PSD3: variants seen among roughly 807,000 people sequenced by gnomAD.
PSD3 encodes the protein PH and SEC7 domain-containing protein 3.
A neutral mutation model predicts 105.5 loss-of-function variants in PSD3; 49 were observed. The ratio of observed to expected loss-of-function variants is 0.46; its 90% CI spans 0.37 to 0.59. The LOEUF (loss-of-function observed/expected upper bound fraction) is 0.59, where lower values mean the gene tolerates loss of function less well. PSD3 is among the 20% of genes least tolerant of loss of function. PSD3 has a pLI of 0.00. For missense variants in PSD3, 1,561 were observed against 1,263.8 expected (o/e 1.24, Z -3.57); for synonymous variants, 557 against 457.8 (o/e 1.22, Z -2.77).
chr8:18,867,615 C>T, intron 4 of PSD3, 59 bp downstream of exon 4: 1 of 1,518,750 alleles, frequency 6.6e-7, no homozygotes, highest in Non-Finnish European at 8.9e-7. Context: ...CTCAGATTTC[C>T]CAGAAAAGAA....
At chr8:18,900,295 T>C (rs1275720784) in intron 2 of PSD3, among the ~76,000 whole-genome samples, 1 of 152,200 alleles carries the variant, frequency 6.6e-6, no homozygotes, top group Non-Finnish European at 1.5e-5. Context: ...TTCTTATAGG[T>C]ATCCTGCATC....
intron 9 of PSD3, among the ~76,000 whole-genome samples, chr8:18,758,388 A>G (rs905079123): frequency 1.3e-5 from 2 of 151,586 alleles, no homozygotes; most frequent in Admixed American, 1.3e-4. Flanking sequence ...GATGGAACTC[A>G]GAAAGAGAGA....
chr8:18,821,615 T>G (rs1006494668), intron 4 of PSD3, among the ~76,000 whole-genome samples: 1 of 151,570 alleles, frequency 6.6e-6, no homozygotes, highest in Non-Finnish European at 1.5e-5. Context: ...ATATTCCAGC[T>G]AATTCAAACA....
At position 18,761,121 on chromosome 8, in the gene PSD3, C is replaced by A. The variant is rs115132404; in HGVS notation, c.2172+4328G>T. 9.9e-3 allele frequency among the ~76,000 whole-genome samples: 1,505 copies of A among 152,186 alleles called. 23 individuals carry two copies. Among genetic ancestry groups the A allele is most frequent in the African/African-American group, 0.034 (1,415 of 41,522 alleles). On this transcript the variant is annotated intron_variant, in intron 9 of 15. Transcript: ENST00000327040. ...GAAGTCACTAAAAACGCAAATCAAA[C>A]GTCAGGTTTAAAAATGTGGGAAGAA... is the stretch of plus-strand genomic sequence containing the variant.
At chr8:18,646,051 C>A (rs1808012630) in intron 10 of PSD3, among the ~76,000 whole-genome samples, 1 of 152,086 alleles carries the variant, frequency 6.6e-6, no homozygotes, top group Non-Finnish European at 1.5e-5. Context: ...GTAGTTTCTG[C>A]TGGTTAGGAA....
intron 9 of PSD3, among the ~76,000 whole-genome samples, chr8:18,722,151 C>T (rs1043553678): frequency 1.5e-4 from 23 of 151,168 alleles, no homozygotes; most frequent in Non-Finnish European, 2.5e-4. Context: ...GGTGGGTGGA[C>T]GATCAAAGAA....
At chr8:18,882,150 G>A (rs1349459354) in intron 2 of PSD3, among the ~76,000 whole-genome samples, 3 of 152,144 alleles carry the variant, frequency 2.0e-5, no homozygotes, top group African/African-American at 7.2e-5. Context: ...TGAGGCTGCA[G>A]TGAACTGTGA....
intron 8 of PSD3, among the ~76,000 whole-genome samples, chr8:18,765,748 T>C (rs1455038411): frequency 6.6e-6 from 1 of 152,028 alleles, no homozygotes; most frequent in South Asian, 2.1e-4. Flanking sequence ...AACCGGGCTA[T>C]GTTTAGCAGA....
chr8:18,813,894 T>C (rs1301698408), intron 4 of PSD3, among the ~76,000 whole-genome samples: 2 of 152,192 alleles, frequency 1.3e-5, no homozygotes, highest in African/African-American at 4.8e-5. Context: ...AAACGTCTGC[T>C]CCTATCACCA....
At chr8:18,789,873 C>T (rs1809531907) in intron 8 of PSD3, among the ~76,000 whole-genome samples, 1 of 152,112 alleles carries the variant, frequency 6.6e-6, no homozygotes, top group South Asian at 2.1e-4. Flanking sequence ...ACCTGCTTTC[C>T]TTGATCACGT....
At chr8:18,852,677 G>C in intron 4 of PSD3, among the ~76,000 whole-genome samples, 1 of 152,182 alleles carries the variant, frequency 6.6e-6, no homozygotes, top group East Asian at 1.9e-4. Context: ...GACGAGAACA[G>C]AGGTGCTACC....
At chr8:18,984,738 T>C (rs930374060) in intron 1 of PSD3, among the ~76,000 whole-genome samples, 2 of 152,220 alleles carry the variant, frequency 1.3e-5, no homozygotes, top group Non-Finnish European at 2.9e-5. Flanking sequence ...AAATATTCAC[T>C]ATTATCCCAT....
intron 10 of PSD3, among the ~76,000 whole-genome samples, chr8:18,645,031 T>G (rs957578580): frequency 6.6e-6 from 1 of 152,158 alleles, no homozygotes; most frequent in African/African-American, 2.4e-5. Context: ...AGAGAGCGAG[T>G]TGGGGATCAC....
intron 2 of PSD3, among the ~76,000 whole-genome samples, chr8:18,904,987 CT>C (rs1819745804): frequency 6.6e-6 from 1 of 152,216 alleles, no homozygotes; most frequent in African/African-American, 2.4e-5. Flanking sequence ...CTTGCTGGCA[CT>C]GTGTATTAGG....
At chr8:19,051,342 A>T (rs147172252) in intron 1 of PSD3, among the ~76,000 whole-genome samples, 9 of 152,304 alleles carry the variant, frequency 5.9e-5, no homozygotes, top group African/African-American at 9.6e-5. Flanking sequence ...ACTCTCTGTT[A>T]CATACTCTCA....
intron 15 of PSD3, among the ~76,000 whole-genome samples, chr8:18,545,997 G>A (rs529709339): frequency 8.5e-5 from 13 of 152,134 alleles, no homozygotes; most frequent in African/African-American, 3.1e-4. Context: ...ACCTGAAGTA[G>A]TCTATTTATT....
intron 2 of PSD3, among the ~76,000 whole-genome samples, chr8:18,925,017 A>C (rs1821273771): frequency 6.6e-6 from 1 of 152,238 alleles, no homozygotes. Context: ...ATAAATGATG[A>C]CTATGAAGAA....
intron 1 of PSD3, among the ~76,000 whole-genome samples, chr8:19,007,340 C>T (rs1232817696): frequency 6.6e-6 from 1 of 151,852 alleles, no homozygotes; most frequent in African/African-American, 2.4e-5. Flanking sequence ...GTAAAGTTGC[C>T]CTAATATAGT....
At chr8:18,561,878 T>A (rs1220841466) in intron 14 of PSD3, among the ~76,000 whole-genome samples, 1 of 152,132 alleles carries the variant, frequency 6.6e-6, no homozygotes, top group Non-Finnish European at 1.5e-5. Flanking sequence ...AGGGCTGACT[T>A]GGAGTTACAG....
Sources: allele counts gnomAD v4.1 joint callset (sites outside exome capture counted in the v4.1 genomes callset), GRCh38; gene constraint gnomAD v4.1.1; transcripts MANE v1.5; gene names NCBI Gene and HGNC (gene_info 2026-07-23, HGNC 2026-07-21).